The following SELENOI variants were observed in gnomAD, a reference collection of about 807,000 sequenced individuals.
SELENOI encodes the protein selenoprotein I, also known as ethanolaminephosphotransferase 1.
A neutral mutation model predicts 50.7 loss-of-function variants in SELENOI; 24 were observed. The observed-to-expected ratio is 0.47, with a 90% CI of 0.34 to 0.67. SELENOI has a LOEUF of 0.67. SELENOI is among the 30% of genes least tolerant of loss of function. The pLI is 0.01. For synonymous variants in SELENOI, 155 were observed against 170.2 expected, an observed-to-expected ratio of 0.91 and a Z score of 0.70; for missense variants, 352 against 461.4, an observed-to-expected ratio of 0.76 and a Z score of 2.17.
intron 1 of SELENOI, among the ~76,000 whole-genome samples, chr2:26,347,246 C>T (rs1311093680): frequency 6.6e-6 from 1 of 152,120 alleles, no homozygotes; most frequent in Admixed American, 6.5e-5. Context: ...TAAATGTGCG[C>T]TCTGTTCGTT....
At chr2:26,366,020 C>G (rs1423689202) in intron 3 of SELENOI, among the ~76,000 whole-genome samples, 2 of 152,042 alleles carry the variant, frequency 1.3e-5, no homozygotes, top group African/African-American at 4.8e-5. Flanking sequence ...AGGCTGGTCT[C>G]AAACTCCTGA....
intron 1 of SELENOI, among the ~76,000 whole-genome samples, chr2:26,348,570 A>C (rs1401949805): frequency 6.6e-6 from 1 of 152,202 alleles, no homozygotes; most frequent in African/African-American, 2.4e-5. Context: ...TTATGTATTG[A>C]CACTTGCATT....
rs532672004 is a variant in SELENOI, at chr2:26,357,037, T to C, written c.58-7265T>C. ...TTAGGTAAAAATTACATATAAATAC[T>C]GTAATACATTAAGATCTTAAGTGTA... On this transcript the variant is annotated intron_variant, in intron 1 of 9. Transcript: ENST00000260585. Among the ~76,000 whole-genome samples, 3 of 152,104 alleles carry C rather than the reference T, an allele frequency of 2.0e-5. No individual in the cohort carries two copies. In the East Asian group the frequency reaches 5.8e-4, roughly 29 times the overall value.
intron 1 of SELENOI, among the ~76,000 whole-genome samples, chr2:26,349,670 GTTTTTTTTTT>G (rs372398913): frequency 8.7e-6 from 1 of 115,166 alleles, no homozygotes; most frequent in East Asian, 2.5e-4. Context: ...CTGCAAGTTG[GTTTTTTTTTT>G]TTTTTTTTTG....
chr2:26,385,273 T>C (rs1008269086), intron 8 of SELENOI, 134 bp downstream of exon 8: 3 of 573,008 alleles, frequency 5.2e-6, no homozygotes, highest in Admixed American at 4.0e-5. Flanking sequence ...TTTGAAAGAA[T>C]AGTAACCTCA....
At chr2:26,357,438 G>A (rs1184460036) in intron 1 of SELENOI, among the ~76,000 whole-genome samples, 2 of 152,148 alleles carry the variant, frequency 1.3e-5, no homozygotes, top group African/African-American at 4.8e-5. Flanking sequence ...TCCTAAGGCT[G>A]CCATAAAAAT....
chr2:26,394,274 T>C lies in SELENOI; in HGVS notation c.*5171T>C, dbSNP rs1275914961. On this transcript the variant is annotated 3_prime_UTR_variant, in exon 10 of 10. Coordinates refer to ENST00000260585, the MANE Select transcript of SELENOI (RefSeq NM_033505.4). The surrounding 1 kb of genome is among the most constrained non-coding windows in gnomAD (Gnocchi z 4.1). ...TGGGCATGGTGGCATGTGCCTGTAA[T>C]CCCAGTTACTGGGGAGGCTGAGGCA... The C allele has an allele frequency of 1.3e-5, 2 of 152,198 alleles. No homozygotes were observed. Among genetic ancestry groups the C allele is most frequent in the Admixed American group, 1.3e-4 (2 of 15,268 alleles). The allele number at this position is 152,198 out of a possible 1,614,324, so 9.4% of individuals were successfully genotyped here.
At chr2:26,351,051 GTTTGT>G (rs1410316965) in intron 1 of SELENOI, among the ~76,000 whole-genome samples, 7 of 102,076 alleles carry the variant, frequency 6.9e-5, no homozygotes, top group African/African-American at 1.1e-4. Flanking sequence ...TTCACTGTTT[GTTTGT>G]TTTTTTTTTT....
At chr2:26,366,950 T>G (rs1029598623) in intron 3 of SELENOI, among the ~76,000 whole-genome samples, 196 bp from the exon 4 acceptor site, 1 of 152,238 alleles carries the variant, frequency 6.6e-6, no homozygotes, top group African/African-American at 2.4e-5. Flanking sequence ...GCTTACTGTT[T>G]GTGACAGGCT....
At chr2:26,353,707 C>G (rs1677006108) in intron 1 of SELENOI, among the ~76,000 whole-genome samples, 1 of 152,176 alleles carries the variant, frequency 6.6e-6, no homozygotes, top group Non-Finnish European at 1.5e-5. Context: ...GGGTGGAAAA[C>G]TGCAGAAGGG....
chr2:26,386,370 G>A lies in SELENOI; in HGVS notation c.929G>A (p.Cys310Tyr). 1.2e-6 allele frequency: 2 copies of A among 1,609,276 alleles called. No homozygotes were observed. The highest frequency in any genetic ancestry group is 1.7e-6 in the Non-Finnish European group (2 of 1,178,564). ...GACGTCCAGTGTCAGCTGATTGTTT[G>A]CCAAATGAGTAGTACCCGGTGTCCA... ...FANSTCQLIV[C>Y]QMSSTRCPTL... The change falls in exon 9 of 10, where the codon TGC becomes TAC. Residue 310 changes from cysteine (C) to tyrosine (Y), a missense_variant. Physicochemically the swap from Cys to Tyr is radical, Grantham distance 194. Transcript: ENST00000260585.
intron 4 of SELENOI, among the ~76,000 whole-genome samples, chr2:26,370,564 G>T (rs1315295097): frequency 3.2e-5 from 3 of 93,034 alleles, no homozygotes; most frequent in African/African-American, 1.1e-4. Flanking sequence ...AGGGGCCACC[G>T]GGCAGAGGCG....
At chr2:26,360,273 G>A (rs1160828114) in intron 1 of SELENOI, among the ~76,000 whole-genome samples, 1 of 152,164 alleles carries the variant, frequency 6.6e-6, no homozygotes, top group Non-Finnish European at 1.5e-5. Flanking sequence ...AAATACTCAG[G>A]TGTGTAAGGC....
chr2:26,373,329 A>G (rs1438385481), intron 4 of SELENOI, 38 bp from the exon 5 acceptor site: 1 of 1,580,158 alleles, frequency 6.3e-7, no homozygotes, highest in Non-Finnish European at 8.6e-7. Context: ...ATCCTGGTGC[A>G]TACGTTGAAC....
chr2:26,373,215 ATAAT>A (rs1382718710), intron 4 of SELENOI, among the ~76,000 whole-genome samples, 148 bp from the exon 5 acceptor site: 1 of 152,226 alleles, frequency 6.6e-6, no homozygotes, highest in African/African-American at 2.4e-5. Flanking sequence ...GTAGAATTAA[ATAAT>A]TAGATTTTTA....
chr2:26,352,183 C>T (rs1676974671), intron 1 of SELENOI, among the ~76,000 whole-genome samples: 1 of 152,050 alleles, frequency 6.6e-6, no homozygotes, highest in African/African-American at 2.4e-5. Context: ...TTCTTAGGCA[C>T]ATTATAGTGC....
intron 4 of SELENOI, 72 bp from the exon 5 acceptor site, chr2:26,373,294 CA>C: frequency 6.7e-7 from 1 of 1,498,428 alleles, no homozygotes; most frequent in Non-Finnish European, 8.9e-7. Flanking sequence ...TTTTTTCCTC[CA>C]GTTTATTAAA....
chr2:26,351,494 G>A (rs954857836), intron 1 of SELENOI, among the ~76,000 whole-genome samples: 1 of 152,218 alleles, frequency 6.6e-6, no homozygotes, highest in Non-Finnish European at 1.5e-5. Context: ...AATTACGAGT[G>A]AAACTGTCAT....
chr2:26,365,030 T>C, intron 3 of SELENOI, 90 bp downstream of exon 3: 1 of 974,532 alleles, frequency 1.0e-6, no homozygotes. Context: ...AATGTTCATA[T>C]TTCTAAAAAA....
Sources: gnomAD v4.1 joint callset for allele counts (sites outside exome capture counted in the v4.1 genomes callset) on GRCh38, gnomAD v4.1.1 for gene constraint, Gnocchi (gnomAD v3.1) non-coding constraint, MANE v1.5 for transcripts, NCBI Gene and HGNC (gene_info 2026-07-23, HGNC 2026-07-21) for gene names.